ALPK2: variants seen among roughly 807,000 people sequenced by gnomAD.
ALPK2 encodes the protein alpha kinase 2, also known as alpha-protein kinase 2.
A neutral mutation model predicts 163.1 loss-of-function variants in ALPK2; 127 were observed. That is an observed-to-expected ratio of 0.78 (90% CI 0.67 to 0.90). The LOEUF is 0.90. ALPK2 is among the 40% of genes least tolerant of loss of function. The probability of loss-of-function intolerance (pLI) is 0.00; values close to 1 mark genes in which losing one functional copy is unlikely to be tolerated. For missense variants in ALPK2, 2,360 were observed against 2,589.6 expected, an observed-to-expected ratio of 0.91 and a Z score of 1.92; for synonymous variants, 953 against 959.1, an observed-to-expected ratio of 0.99 and a Z score of 0.12.
rs34546776 is a variant in ALPK2, at chr18:58,535,152, C to A, written c.5035G>T (p.Gly1679Cys). ...CTCTCCCTGGACTTTTTCGCACAGC[C>A]CAGGGTGCCCTTTTGACATGGATCC... ...LQDPCQKGTL[G>C]CAKKSREREK... The change falls in exon 5 of 13, where the codon GGC becomes TGC. Residue 1679 changes from glycine to cysteine, a missense_variant. Transcript: ENST00000361673. The A allele has an allele frequency of 6.2e-7, 1 of 1,614,060 alleles. No homozygotes were observed. Among genetic ancestry groups the A allele is most frequent in the Non-Finnish European group, 8.5e-7 (1 of 1,180,016 alleles).
chr18:58,621,363 C>T (rs947420210), intron 1 of ALPK2, among the ~76,000 whole-genome samples: 3 of 151,828 alleles, frequency 2.0e-5, no homozygotes, highest in African/African-American at 7.3e-5. Flanking sequence ...CAAGCTCCGC[C>T]TCCCAGGTTC....
intron 12 of ALPK2, among the ~76,000 whole-genome samples, chr18:58,490,737 T>C (rs1602183018): frequency 6.6e-6 from 1 of 152,162 alleles, no homozygotes; most frequent in Admixed American, 6.5e-5. Context: ...GCTGGCAACA[T>C]ATTCTAGAAT....
rs144251296 is a variant in ALPK2, at chr18:58,547,287, G to A, written c.1963-9063C>T. Among the ~76,000 whole-genome samples, 14 of 152,288 alleles carry A rather than the reference G, an allele frequency of 9.2e-5. No homozygotes were observed. The South Asian group carries it at 2.7e-3, about 29-fold the overall frequency. ...TCTCTATTAACAATGAGAATTGTTAGGGAAAAGGATACAGCATGTCACCAT... is the reference window on the plus strand; with the variant it reads ...TCTCTATTAACAATGAGAATTGTTAAGGAAAAGGATACAGCATGTCACCAT... On this transcript the variant is annotated intron_variant, in intron 4 of 12. Coordinates refer to ENST00000361673, the MANE Select transcript of ALPK2 (RefSeq NM_052947.4).
chr18:58,555,193 T>C (rs896031894), intron 4 of ALPK2, among the ~76,000 whole-genome samples: 3 of 151,954 alleles, frequency 2.0e-5, no homozygotes, highest in Non-Finnish European at 4.4e-5. Flanking sequence ...CAAGTTCGAG[T>C]TGTTCGAGTA....
At chr18:58,487,747 C>T (rs113123718) in intron 12 of ALPK2, among the ~76,000 whole-genome samples, 264 of 152,250 alleles carry the variant, frequency 1.7e-3, no homozygotes, top group African/African-American at 6.2e-3. Flanking sequence ...TCAGACCAGG[C>T]GCACTGGCTC....
chr18:58,505,789 C>G (rs1007356847), intron 10 of ALPK2, among the ~76,000 whole-genome samples: 1 of 152,174 alleles, frequency 6.6e-6, no homozygotes, highest in East Asian at 1.9e-4. Flanking sequence ...AAGGGCAGCA[C>G]GACCATCATG....
chr18:58,544,627 G>A (rs941836941), intron 4 of ALPK2: 6 of 152,242 alleles, frequency 3.9e-5, no homozygotes, highest in Non-Finnish European at 8.8e-5. Flanking sequence ...AGGACAGAGT[G>A]TGGAAGGTCA....
intron 2 of ALPK2, 78 bp downstream of exon 2, chr18:58,611,611 A>G: frequency 7.9e-7 from 1 of 1,266,112 alleles, no homozygotes. Flanking sequence ...ATGATGTTTT[A>G]GTAATGCCTT....
intron 3 of ALPK2, among the ~76,000 whole-genome samples, chr18:58,599,430 A>C (rs1358711691): frequency 6.6e-6 from 1 of 152,214 alleles, no homozygotes; most frequent in African/African-American, 2.4e-5. Context: ...AAGTTCTACC[A>C]GTCATCCTTA....
At chr18:58,487,303 A>G (rs138468868) in intron 12 of ALPK2, among the ~76,000 whole-genome samples, 5 of 152,336 alleles carry the variant, frequency 3.3e-5, no homozygotes, top group African/African-American at 7.2e-5. Flanking sequence ...GACATAAGTT[A>G]AAGAGATGCG....
chr18:58,537,575 G>T lies in ALPK2; in HGVS notation c.2612C>A (p.Thr871Asn). The T allele has an allele frequency of 6.2e-7, 1 of 1,614,028 alleles. No homozygotes were observed. The change falls in exon 5 of 13, where the codon ACT (threonine) becomes AAT (asparagine). Residue 871 changes from threonine to asparagine, a missense_variant. Thr to Asn is a moderately conservative substitution (Grantham distance 65, BLOSUM62 0). Transcript: ENST00000361673. ...EVFFQTQVSETSVSTCKSSKD... is the reference protein window; with the variant it reads ...EVFFQTQVSENSVSTCKSSKD... Reference sequence around the variant, plus strand: ...GCTGCTTTTGCACGTAGACACTGAAGTCTCAGACACTTGTGTCTGAAAAAA... The same window carrying T: ...GCTGCTTTTGCACGTAGACACTGAATTCTCAGACACTTGTGTCTGAAAAAA...
chr18:58,510,394 T>G (rs938636438), intron 10 of ALPK2, among the ~76,000 whole-genome samples: 1 of 152,250 alleles, frequency 6.6e-6, no homozygotes, highest in African/African-American at 2.4e-5. Context: ...GTATGAACTT[T>G]AAAGTAGTTT....
intron 5 of ALPK2, among the ~76,000 whole-genome samples, chr18:58,529,786 A>G (rs561679810): frequency 6.6e-6 from 1 of 152,376 alleles, no homozygotes; most frequent in South Asian, 2.1e-4. Flanking sequence ...GTGATGTCTG[A>G]TATCAACCTC....
intron 3 of ALPK2, among the ~76,000 whole-genome samples, chr18:58,594,880 G>A (rs1405260855): frequency 2.6e-5 from 4 of 152,268 alleles, no homozygotes; most frequent in South Asian, 2.1e-4. Flanking sequence ...GAATTACCGC[G>A]ATGGTTGCTT....
In ALPK2 at chr18:58,606,741, C is replaced by T. The variant is rs2052099728; in HGVS notation, c.227+581G>A. On this transcript the variant is annotated intron_variant, in intron 3 of 12. Transcript: ENST00000361673. ...CATTGAGGATCAAAAGCACAGACCC[C>T]CTACCCAGCTTCACCCTGAGCAGTT... Among the ~76,000 whole-genome samples the T allele has an allele frequency of 3.3e-5, 5 of 151,878 alleles. No homozygotes were observed. The South Asian group carries it at 1.0e-3, about 32-fold the overall frequency.
intron 4 of ALPK2, among the ~76,000 whole-genome samples, chr18:58,559,119 G>A (rs924742312): frequency 6.6e-6 from 1 of 152,194 alleles, no homozygotes; most frequent in Non-Finnish European, 1.5e-5. Flanking sequence ...TTTCCCAACT[G>A]TGATTAGTGA....
At chr18:58,593,010 C>G (rs1236661987) in intron 3 of ALPK2, among the ~76,000 whole-genome samples, 1 of 152,078 alleles carries the variant, frequency 6.6e-6, no homozygotes. Context: ...ATACCAGGGC[C>G]GGAGGATTTT....
At chr18:58,607,536 A>G (rs752857447) in intron 2 of ALPK2, 97 bp from the exon 3 acceptor site, 19 of 718,280 alleles carry the variant, frequency 2.6e-5, no homozygotes, top group Non-Finnish European at 4.1e-5. Context: ...GACAGTAAGC[A>G]ACAGGGATGA....
chr18:58,512,586 GTGTGTTGTGTGTA>G (rs1312433640), intron 10 of ALPK2, among the ~76,000 whole-genome samples: 1 of 151,980 alleles, frequency 6.6e-6, no homozygotes, highest in East Asian at 1.9e-4. Flanking sequence ...CTCTGTGTGC[GTGTGTTGTGTGTA>G]TGTGTTGTGT....
Sources: gnomAD v4.1 joint callset for allele counts (sites outside exome capture counted in the v4.1 genomes callset) on GRCh38, gnomAD v4.1.1 for gene constraint, MANE v1.5 for transcripts, NCBI Gene and HGNC (gene_info 2026-07-23, HGNC 2026-07-21) for gene names.